The following REST variants were observed in gnomAD, a reference collection of about 807,000 sequenced individuals.
The protein encoded by REST is RE1-silencing transcription factor.
Under a neutral mutation model 30.4 loss-of-function variants are expected in REST, and 1 was observed. The observed-to-expected ratio is 0.03, with a 90% confidence interval of 0.01 to 0.16. The LOEUF (loss-of-function observed/expected upper bound fraction) is 0.16. Ranked by LOEUF, REST falls within the 10% of genes least tolerant of loss-of-function variation. The pLI is 1.00. For missense variants in REST, 1,259 were observed against 1,329.5 expected (o/e 0.95, Z 0.82); for synonymous variants, 504 against 451.1 (o/e 1.12, Z -1.49).
At chr4:56,922,947 C>T (rs547025729) in intron 3 of REST, among the ~76,000 whole-genome samples, 4 of 152,316 alleles carry the variant, frequency 2.6e-5, no homozygotes, top group Non-Finnish European at 4.4e-5. Flanking sequence ...TTTATCCTTT[C>T]GTTCAATTAG....
intron 3 of REST, among the ~76,000 whole-genome samples, chr4:56,925,432 A>G (rs1720656526): frequency 6.6e-6 from 1 of 152,078 alleles, no homozygotes; most frequent in East Asian, 1.9e-4. Context: ...GACTGGTCTC[A>G]ACCTCCTTAG....
At chr4:56,922,242 G>T (rs369357477) in intron 3 of REST, 1 of 150,172 alleles carries the variant, frequency 6.7e-6, no homozygotes, top group Non-Finnish European at 1.5e-5. Flanking sequence ...GTTGATAGTT[G>T]TACTAGCTTT....
Position 56,932,079 on chromosome 4 carries a change from A to G in REST, c.3221A>G (p.Asp1074Gly). 6.2e-7 allele frequency: 1 copy of G among 1,614,260 alleles called. No individual in the cohort carries two copies. The highest frequency in any genetic ancestry group is 8.5e-7 in the Non-Finnish European group (1 of 1,180,054). Residue 1074 changes from aspartate to glycine, a missense_variant, in exon 4 of 4, where the codon GAT becomes GGT. By Grantham distance (94) the Asp-to-Gly change is moderately conservative (BLOSUM62 -1). Transcript: ENST00000309042. ...FCDRSFRKGKDYSKHLNRHLV... is the reference protein window; with the variant it reads ...FCDRSFRKGKGYSKHLNRHLV... ...GATCGTTCTTTCAGAAAGGGAAAAG[A>G]TTACAGCAAACACCTCAATCGCCAT...
intron 3 of REST, among the ~76,000 whole-genome samples, chr4:56,926,570 C>T (rs1256962959): frequency 2.0e-5 from 3 of 151,260 alleles, no homozygotes; most frequent in Non-Finnish European, 4.4e-5. Flanking sequence ...CAAAATGCCT[C>T]CCCAAATTTT....
chr4:56,928,933 C>T (rs1275927740), intron 3 of REST, among the ~76,000 whole-genome samples: 2 of 151,820 alleles, frequency 1.3e-5, no homozygotes, highest in Non-Finnish European at 2.9e-5. Flanking sequence ...GGGCCTTGCT[C>T]TGTTGCCCAG....
intron 1 of REST, among the ~76,000 whole-genome samples, chr4:56,908,698 T>C (rs1404765766): frequency 6.6e-6 from 1 of 151,808 alleles, no homozygotes; most frequent in Non-Finnish European, 1.5e-5. Context: ...GCCGGGCGGG[T>C]TGAGTCAGCC....
In REST at chr4:56,931,406, C is replaced by G. The variant is rs749525936; in HGVS notation, c.2548C>G (p.Leu850Val). ...VGLVPVKDSW[L>V]LKESVSTEDL... The stretch of plus-strand genomic sequence containing the variant: ...CTTAGTGCCTGTTAAAGATAGCTGG[C>G]TTCTAAAGGAAAGTGTAAGCACAGA... Residue 850 changes from leucine (L) to valine (V), a missense_variant, in exon 4 of 4, where the codon CTT becomes GTT. By Grantham distance (32) the Leu-to-Val change is conservative. This residue lies in a region of REST where 856 missense variants were observed against 772.8 expected (regional missense o/e 1.11). Coordinates refer to ENST00000309042, the MANE Select transcript of REST (RefSeq NM_005612.5). The G allele has an allele frequency of 1.9e-6, 3 of 1,614,268 alleles. No homozygotes were observed. Among genetic ancestry groups the G allele is most frequent in the Admixed American group, 3.3e-5 (2 of 60,034 alleles).
intron 3 of REST, among the ~76,000 whole-genome samples, chr4:56,923,147 G>A (rs1371381368): frequency 6.6e-6 from 1 of 152,312 alleles, no homozygotes; most frequent in South Asian, 2.1e-4. Context: ...ACTAGTAGTA[G>A]CCACTAGCTA....
chr4:56,909,386 T>C (rs949166278), intron 1 of REST: 3 of 152,372 alleles, frequency 2.0e-5, no homozygotes, highest in South Asian at 4.1e-4. Context: ...GAGGAATTCG[T>C]GCAGCACGTT....
intron 3 of REST, among the ~76,000 whole-genome samples, chr4:56,921,527 A>G (rs1007994361): frequency 2.0e-5 from 3 of 152,082 alleles, no homozygotes; most frequent in Non-Finnish European, 4.4e-5. Flanking sequence ...CTCATGCCTC[A>G]GCCTCCCCAG....
Position 56,933,441 on chromosome 4 carries a change from A to G in REST, c.*1289A>G, listed in dbSNP as rs1352863648. The G allele has an allele frequency of 2.6e-5, 4 of 152,214 alleles. No homozygotes were observed. Among genetic ancestry groups the G allele is most frequent in the African/African-American group, 7.2e-5 (3 of 41,458 alleles). The allele number at this position is 152,214 out of a possible 1,614,324, so 9.4% of individuals were successfully genotyped here. On this transcript the variant is annotated 3_prime_UTR_variant, in exon 4 of 4. Coordinates refer to ENST00000309042, the MANE Select transcript of REST (RefSeq NM_005612.5). ...ATAGCTATTACGCGGCAAACCTAGG[A>G]TAAGAAAGGTAGTATGAGTGCTGGT...
chr4:56,928,520 G>T (rs926334310), intron 3 of REST, among the ~76,000 whole-genome samples: 1 of 151,520 alleles, frequency 6.6e-6, no homozygotes, highest in Non-Finnish European at 1.5e-5. Context: ...GGCTTAAGTG[G>T]TCCTCCCGCC....
intron 1 of REST, among the ~76,000 whole-genome samples, chr4:56,908,615 G>T (rs1250948663): frequency 2.0e-5 from 3 of 152,026 alleles, no homozygotes; most frequent in Non-Finnish European, 4.4e-5. Flanking sequence ...CCGCAGCCCC[G>T]CGCCGGCCCG....
intron 2 of REST, among the ~76,000 whole-genome samples, chr4:56,917,685 T>G (rs1720263259): frequency 6.6e-6 from 1 of 152,224 alleles, no homozygotes; most frequent in Non-Finnish European, 1.5e-5. Context: ...AAACGGTGTT[T>G]TAGTAGCTTT....
intron 2 of REST, among the ~76,000 whole-genome samples, chr4:56,912,829 A>G (rs1719996205): frequency 6.6e-6 from 1 of 151,992 alleles, no homozygotes; most frequent in Non-Finnish European, 1.5e-5. Context: ...TATTTTTAGT[A>G]GAGATGGGGT....
rs1013680176 is a variant in REST at position 56,932,269 on chromosome 4, TA to T, written c.*119del. On this transcript the variant is annotated 3_prime_UTR_variant, in exon 4 of 4. Transcript: ENST00000309042. ...TTAATTAGTATCTGATGTTGATTTT[TA>T]AGTGGCATTCTTTTCCTTAGGACTT... The T allele has an allele frequency of 2.2e-5, 25 of 1,150,846 alleles. No homozygotes were observed. Among genetic ancestry groups the T allele is most frequent in the Non-Finnish European group, 3.0e-5 (25 of 826,724 alleles). 71.3% of individuals were successfully genotyped at this position (1,150,846 alleles called of 1,614,324 possible).
rs1719880669 is a variant in REST, at chr4:56,911,048, AT to A, written c.411del (p.Asn137LysfsTer99). 6.2e-7 allele frequency: 1 copy of A among 1,614,034 alleles called. No homozygotes were observed. The highest frequency in any genetic ancestry group is 1.3e-5 in the African/African-American group (1 of 74,912). On this transcript the variant is annotated frameshift_variant, in exon 2 of 4. Coordinates refer to ENST00000309042, the MANE Select transcript of REST (RefSeq NM_005612.5). LOFTEE classifies it high-confidence loss of function. Reference sequence around the variant, plus strand: ...GGTGCTCCAGATATTTACAGTTCAAATAAAGATCTTCCCCCTGAAACACCTG... The same window carrying A: ...GGTGCTCCAGATATTTACAGTTCAAAAAAGATCTTCCCCCTGAAACACCTG... ...ASGAPDIYSS[N>X]KDLPPETPGA...
At position 56,932,021 on chromosome 4, in the gene REST, G is replaced by A; in HGVS notation, c.3163G>A (p.Ala1055Thr). The A allele has an allele frequency of 6.2e-7, 1 of 1,614,236 alleles. No individual in the cohort carries two copies. The highest frequency in any genetic ancestry group is 1.1e-5 in the South Asian group (1 of 91,090). Reference protein sequence around the residue: ...KNAKEALAVKAAKGDFVCIFC... With the variant: ...KNAKEALAVKTAKGDFVCIFC... ...TGCAAAGGAAGCCTTGGCAGTCAAA[G>A]CGGCTAAGGGAGATTTTGTTTGTAT... Residue 1055 changes from alanine (A) to threonine (T), a missense_variant, in exon 4 of 4, where the codon GCG (alanine) becomes ACG (threonine). Coordinates refer to ENST00000309042, the MANE Select transcript of REST (RefSeq NM_005612.5).
chr4:56,908,202 C>T lies in REST; in HGVS notation c.-21C>T, dbSNP rs536370752. The T allele has an allele frequency of 4.1e-4, 70 of 170,706 alleles. No homozygotes were observed. Among genetic ancestry groups the T allele is most frequent in the Middle Eastern group, 5.2e-3 (2 of 384 alleles). 10.6% of individuals were successfully genotyped at this position (170,706 alleles called of 1,614,324 possible). A position where few individuals can be genotyped will look rare whatever the true frequency, so the allele number is the denominator to read the frequency against. On this transcript the variant is annotated 5_prime_UTR_variant, in exon 1 of 4. Transcript: ENST00000309042. ...CTCAGGGTCGCCCGCCCCTCCTCAC[C>T]GAGGAAGGCCGGTAAGTGGGGCGCT...
Sources: gnomAD v4.1 joint callset for allele counts (sites outside exome capture counted in the v4.1 genomes callset) on GRCh38, gnomAD v4.1.1 for gene constraint, gnomAD v4.1.1 regional missense constraint, MANE v1.5 for transcripts, NCBI Gene and HGNC (gene_info 2026-07-23, HGNC 2026-07-21) for gene names.